Variants in KCNMB2 observed in about 807,000 individuals in gnomAD.
The protein encoded by KCNMB2 is potassium calcium-activated channel subfamily M regulatory beta subunit 2.
In KCNMB2, 9 loss-of-function variants were observed where a neutral mutation model predicts 24.5. The ratio of observed to expected loss-of-function variants is 0.37; its 90% CI spans 0.22 to 0.64. The LOEUF (loss-of-function observed/expected upper bound fraction) is 0.64. KCNMB2 is among the 30% of genes least tolerant of loss of function. The pLI is 0.63. For missense variants in KCNMB2, 226 were observed against 284.3 expected, an observed-to-expected ratio of 0.79 and a Z score of 1.47; for synonymous variants, 109 against 104.4, an observed-to-expected ratio of 1.04 and a Z score of -0.27.
At chr3:178,619,203 G>A (rs964026209) in intron 1 of KCNMB2, among the ~76,000 whole-genome samples, 1 of 152,148 alleles carries the variant, frequency 6.6e-6, no homozygotes, top group African/African-American at 2.4e-5. Context: ...GAGTGAGACT[G>A]GAGGGCCTTA....
At chr3:178,588,140 T>C (rs1201430883) in intron 1 of KCNMB2, among the ~76,000 whole-genome samples, 3 of 152,058 alleles carry the variant, frequency 2.0e-5, no homozygotes, top group African/African-American at 7.2e-5. Flanking sequence ...AGATGGCAGG[T>C]AACAGAGCAC....
chr3:178,724,651 T>C (rs1013285073), intron 1 of KCNMB2, among the ~76,000 whole-genome samples: 1 of 152,226 alleles, frequency 6.6e-6, no homozygotes, highest in African/African-American at 2.4e-5. Context: ...TACCCATAAA[T>C]CTTTAATCCA....
intron 2 of KCNMB2, among the ~76,000 whole-genome samples, chr3:178,819,306 G>A (rs1714531338): frequency 1.3e-5 from 2 of 152,116 alleles, no homozygotes. Context: ...TATGATCACT[G>A]TAACCCTACA....
chr3:178,828,848 C>T (rs1276918352), intron 4 of KCNMB2, among the ~76,000 whole-genome samples: 2 of 151,880 alleles, frequency 1.3e-5, no homozygotes, highest in Admixed American at 1.3e-4. Context: ...AAATGGCCAC[C>T]TTGCAAGGTC....
At chr3:178,801,286 C>T (rs1309338517) in intron 1 of KCNMB2, among the ~76,000 whole-genome samples, 2 of 152,050 alleles carry the variant, frequency 1.3e-5, no homozygotes, top group Admixed American at 6.6e-5. Flanking sequence ...ATCAAAATAA[C>T]TCATGTACCC....
intron 1 of KCNMB2, among the ~76,000 whole-genome samples, chr3:178,734,812 G>A (rs535085701): frequency 4.6e-5 from 7 of 152,088 alleles, no homozygotes; most frequent in Non-Finnish European, 1.0e-4. Context: ...CTATTAAAAG[G>A]CCTACCAAGA....
At chr3:178,726,036 A>C (rs897322792) in intron 1 of KCNMB2, among the ~76,000 whole-genome samples, 6 of 151,792 alleles carry the variant, frequency 4.0e-5, no homozygotes, top group Non-Finnish European at 7.4e-5. Flanking sequence ...GATAATTTAA[A>C]TATTTTTAAT....
chr3:178,742,871 G>A (rs937520281), intron 1 of KCNMB2, among the ~76,000 whole-genome samples: 2 of 152,096 alleles, frequency 1.3e-5, no homozygotes, highest in African/African-American at 4.8e-5. Context: ...CAATAAATAT[G>A]CAATCCAGTG....
intron 1 of KCNMB2, among the ~76,000 whole-genome samples, chr3:178,583,287 G>A (rs959012261): frequency 1.3e-5 from 2 of 152,052 alleles, no homozygotes; most frequent in Admixed American, 6.5e-5. Flanking sequence ...TTTGTTATTT[G>A]CATTCCACAA....
intron 1 of KCNMB2, among the ~76,000 whole-genome samples, chr3:178,589,730 C>T (rs1717592023): frequency 6.6e-6 from 1 of 152,172 alleles, no homozygotes; most frequent in Non-Finnish European, 1.5e-5. Flanking sequence ...TTATTTCAGC[C>T]TGATCCCATC....
intron 4 of KCNMB2, among the ~76,000 whole-genome samples, chr3:178,839,546 A>G (rs937490061): frequency 2.6e-5 from 4 of 152,182 alleles, no homozygotes; most frequent in Non-Finnish European, 5.9e-5. Flanking sequence ...AGACTGGGTA[A>G]TTTATAAAAG....
Position 178,648,730 on chromosome 3 carries a change from A to G in KCNMB2, c.-68+112019A>G, listed in dbSNP as rs1466383154. On this transcript the variant is annotated intron_variant, in intron 1 of 4. Coordinates refer to ENST00000452583, the MANE Select transcript of KCNMB2 (RefSeq NM_181361.3). Reference sequence around the variant, plus strand: ...ATTTGCTTTCTTTCCTTGCTGCCGTAACAAATAAACATCAACTCCATATAA... The same window carrying G: ...ATTTGCTTTCTTTCCTTGCTGCCGTGACAAATAAACATCAACTCCATATAA... Among the ~76,000 whole-genome samples, 4 of 152,320 alleles carry G rather than the reference A, an allele frequency of 2.6e-5. No individual in the cohort carries two copies. The East Asian group carries it at 7.7e-4, about 29-fold the overall frequency.
intron 1 of KCNMB2, among the ~76,000 whole-genome samples, chr3:178,590,687 A>G (rs1241195442): frequency 6.6e-6 from 1 of 152,208 alleles, no homozygotes; most frequent in Non-Finnish European, 1.5e-5. Context: ...AATGCACAGA[A>G]CAGTTAAGTA....
At position 178,594,789 on chromosome 3, in the gene KCNMB2, CT is replaced by C. The variant is rs778685691; in HGVS notation, c.-68+58079del. ...GAGGAATGTTAACACATAAAAAGCA[CT>C]AAAAATGTGAAATGAATAAATGAAT... On this transcript the variant is annotated intron_variant, in intron 1 of 4. Coordinates refer to ENST00000452583, the MANE Select transcript of KCNMB2 (RefSeq NM_181361.3). Among the ~76,000 whole-genome samples the C allele has an allele frequency of 2.6e-5, 4 of 152,032 alleles. No homozygotes were observed. In the East Asian group the frequency reaches 5.8e-4, roughly 22 times the overall value.
intron 1 of KCNMB2, among the ~76,000 whole-genome samples, chr3:178,737,283 G>A (rs933382347): frequency 6.6e-6 from 1 of 151,946 alleles, no homozygotes; most frequent in African/African-American, 2.4e-5. Context: ...AAAAAAAATT[G>A]CATTATGGAA....
intron 1 of KCNMB2, among the ~76,000 whole-genome samples, chr3:178,635,095 G>A (rs979815316): frequency 6.6e-6 from 1 of 152,128 alleles, no homozygotes; most frequent in African/African-American, 2.4e-5. Flanking sequence ...CAGCACCGCA[G>A]ACAAGGTAGT....
intron 1 of KCNMB2, among the ~76,000 whole-genome samples, chr3:178,581,264 G>C (rs1367662799): frequency 1.3e-5 from 2 of 152,082 alleles, no homozygotes; most frequent in East Asian, 3.9e-4. Flanking sequence ...CAAGCTATGG[G>C]GAAAAGATTC....
rs868846389 is a variant in KCNMB2, at chr3:178,652,653, T to C, written c.-68+115942T>C. ...TTCTTAGCTATTTCTGGACCTCTAG[T>C]TCTCTATATACTTTTTTTTTTTTTT... On this transcript the variant is annotated intron_variant, in intron 1 of 4. Coordinates refer to ENST00000452583, the MANE Select transcript of KCNMB2 (RefSeq NM_181361.3). 5.4e-4 allele frequency among the ~76,000 whole-genome samples: 79 copies of C among 145,088 alleles called. 1 individual carries two copies. The Middle Eastern group carries it at 0.021, about 39-fold the overall frequency.
At chr3:178,828,489 C>G (rs539921579) in intron 4 of KCNMB2, 116 bp downstream of exon 4, 1 of 670,344 alleles carries the variant, frequency 1.5e-6, no homozygotes, top group Non-Finnish European at 2.5e-6. Context: ...GGAAGCAGAG[C>G]CTGCCTCTTC....
Sources: gnomAD v4.1 joint callset for allele counts (sites outside exome capture counted in the v4.1 genomes callset) on GRCh38, gnomAD v4.1.1 for gene constraint, MANE v1.5 for transcripts, NCBI Gene and HGNC (gene_info 2026-07-23, HGNC 2026-07-21) for gene names.